The following ACOX1 variants were observed in gnomAD, a reference collection of about 807,000 sequenced individuals.
ACOX1 encodes the protein acyl-CoA oxidase 1.
Under a neutral mutation model 75.5 loss-of-function variants are expected in ACOX1, and 41 were observed. The observed-to-expected ratio is 0.54, with a 90% CI of 0.42 to 0.70. ACOX1 has a LOEUF of 0.70. Among genes scored for constraint, ACOX1 ranks in the 30% least tolerant of loss-of-function variants. ACOX1 has a pLI of 0.00. For missense variants in ACOX1, 630 were observed against 837.5 expected (o/e 0.75, Z 3.06); for synonymous variants, 303 against 298.8 (o/e 1.01, Z -0.15).
Position 75,960,492 on chromosome 17 carries a change from C to T in ACOX1, c.270-117G>A, listed in dbSNP as rs1384880988. On this transcript the variant is annotated intron_variant, in intron 2 of 13. Transcript: ENST00000293217. The surrounding 1 kb of genome is among the most constrained non-coding windows in gnomAD (Gnocchi z 4.4). ...AAAAACCTTAAGTATGAATTAGTTG[C>T]GTGCACTTAATCATAGATGGGAGCA... is the stretch of plus-strand genomic sequence containing the variant. 20 of 1,006,096 alleles carry T rather than the reference C, an allele frequency of 2.0e-5. No homozygotes were observed. Among genetic ancestry groups the T allele is most frequent in the Non-Finnish European group, 2.7e-5 (18 of 662,576 alleles). The allele number at this position is 1,006,096 out of a possible 1,614,324, so 62.3% of individuals were successfully genotyped here. A position where few individuals can be genotyped will look rare whatever the true frequency, so the allele number is the denominator to read the frequency against.
intron 2 of ACOX1, among the ~76,000 whole-genome samples, chr17:75,965,254 C>T (rs960478082): frequency 6.7e-6 from 1 of 148,370 alleles, no homozygotes; most frequent in African/African-American, 2.5e-5. Context: ...AGGAGAATGG[C>T]GTGAACCCAG....
rs2065760159 is a variant in ACOX1, at chr17:75,950,042, T to G, written c.1299-145A>C. 4.6e-6 allele frequency: 4 copies of G among 865,182 alleles called. No homozygotes were observed. The East Asian group carries it at 8.0e-5, about 17-fold the overall frequency. The allele number at this position is 865,182 out of a possible 1,614,324, so 53.6% of individuals were successfully genotyped here. Reference sequence around the variant, plus strand: ...GCAACCTCCTCCTCTTGGGTTCAAATGAATGATTCTCCTGCCTCAGCCTCC... The same window carrying G: ...GCAACCTCCTCCTCTTGGGTTCAAAGGAATGATTCTCCTGCCTCAGCCTCC... On this transcript the variant is annotated intron_variant, in intron 9 of 13. Coordinates refer to ENST00000293217, the MANE Select transcript of ACOX1 (RefSeq NM_004035.7). This position sits in a 1 kb window ranked among gnomAD's most constrained non-coding sequence, Gnocchi z 4.3.
chr17:75,946,797 T>C lies in ACOX1; in HGVS notation c.1936-2A>G. ...CAGGTGCTTGTAAGATTCGTGGACC[T>C]GTGGGGAAAGGAGAGAGAAGAACTA... On this transcript the variant is annotated splice_acceptor_variant, in intron 13 of 13. Coordinates refer to ENST00000293217, the MANE Select transcript of ACOX1 (RefSeq NM_004035.7). LOFTEE classifies it high-confidence loss of function. 1 of 1,613,522 alleles carries C rather than the reference T, an allele frequency of 6.2e-7. No individual in the cohort carries two copies. Among genetic ancestry groups the C allele is most frequent in the Non-Finnish European group, 8.5e-7 (1 of 1,179,520 alleles).
At chr17:75,959,303 A>G (rs2065867724) in intron 3 of ACOX1, among the ~76,000 whole-genome samples, 1 of 152,252 alleles carries the variant, frequency 6.6e-6, no homozygotes. Context: ...AGAAAAGCAG[A>G]TAACATTAAA....
chr17:75,959,611 G>A (rs1367852279), intron 3 of ACOX1, among the ~76,000 whole-genome samples: 3 of 152,174 alleles, frequency 2.0e-5, no homozygotes, highest in African/African-American at 7.2e-5. Context: ...CAGGTGGGGG[G>A]TGGAAAGATC....
At position 75,956,985 on chromosome 17, in the gene ACOX1, A is replaced by C. The variant is rs1461193895; in HGVS notation, c.538+474T>G. On this transcript the variant is annotated intron_variant, in intron 4 of 13. Coordinates refer to ENST00000293217, the MANE Select transcript of ACOX1 (RefSeq NM_004035.7). ...TCTCTCTCTCTCTATATATATATAT[A>C]TATATATATATATATATATATATAC... Among the ~76,000 whole-genome samples the C allele has an allele frequency of 2.0e-3, 101 of 51,436 alleles. 1 individual carries two copies. The highest frequency in any genetic ancestry group is 0.012 in the East Asian group (6 of 504). The allele number at this position is 51,436 out of a possible 152,430, so 33.7% of individuals were successfully genotyped here.
Position 75,950,694 on chromosome 17 carries a change from A to T in ACOX1, c.1298+80T>A. 6.7e-7 allele frequency: 1 copy of T among 1,487,998 alleles called. No homozygotes were observed. The highest frequency in any genetic ancestry group is 1.1e-5 in the South Asian group (1 of 87,354). The allele number at this position is 1,487,998 out of a possible 1,614,324, so 92.2% of individuals were successfully genotyped here. A position where few individuals can be genotyped will look rare whatever the true frequency, so the allele number is the denominator to read the frequency against. ...CAAATATATATATACGGTGAAGAAA[A>T]ACCATGGGAACAAGAACCTAGGAAA... is the stretch of plus-strand genomic sequence containing the variant. On this transcript the variant is annotated intron_variant, in intron 9 of 13. Transcript: ENST00000293217. The surrounding 1 kb of genome is among the most constrained non-coding windows in gnomAD (Gnocchi z 4.3).
intron 2 of ACOX1, among the ~76,000 whole-genome samples, chr17:75,967,779 C>A (rs1215004956): frequency 7.1e-6 from 1 of 141,078 alleles, no homozygotes; most frequent in Non-Finnish European, 1.6e-5. Flanking sequence ...GTCACTCTGT[C>A]ACCCAGGCTG....
intron 2 of ACOX1, among the ~76,000 whole-genome samples, chr17:75,972,584 G>A (rs2066007082): frequency 6.7e-6 from 1 of 148,450 alleles, no homozygotes; most frequent in South Asian, 2.1e-4. Flanking sequence ...GGCGGAGGTT[G>A]CAGTGAGCTG....
At chr17:75,961,308 A>AAG (rs1160565184) in intron 2 of ACOX1, among the ~76,000 whole-genome samples, 4 of 150,632 alleles carry the variant, frequency 2.7e-5, no homozygotes, top group African/African-American at 9.8e-5. Flanking sequence ...AAAAAAAAAA[A>AAG]AGAGAGAGAG....
chr17:75,960,584 C>T lies in ACOX1; in HGVS notation c.270-209G>A, dbSNP rs948687495. Among the ~76,000 whole-genome samples the T allele has an allele frequency of 2.6e-5, 4 of 152,114 alleles. No homozygotes were observed. Among genetic ancestry groups the T allele is most frequent in the African/African-American group, 4.8e-5 (2 of 41,402 alleles). On this transcript the variant is annotated intron_variant, in intron 2 of 13. Coordinates refer to ENST00000293217, the MANE Select transcript of ACOX1 (RefSeq NM_004035.7). The surrounding 1 kb of genome is among the most constrained non-coding windows in gnomAD (Gnocchi z 4.4). ...ATTTTTCCTGAGTCGGCAAGGAGTACGAGGACAGGGATTGGTTACTGATTC... is the reference window on the plus strand; with the variant it reads ...ATTTTTCCTGAGTCGGCAAGGAGTATGAGGACAGGGATTGGTTACTGATTC...
chr17:75,975,368 G>T (rs892604752), intron 2 of ACOX1, among the ~76,000 whole-genome samples: 4 of 151,988 alleles, frequency 2.6e-5, no homozygotes, highest in African/African-American at 9.7e-5. Context: ...TGTTGGCCAG[G>T]CTGGTCATGA....
rs1268062450 is a variant in ACOX1 at position 75,945,191 on chromosome 17, T to C, written c.*1557A>G. ...CAAACACCCTCAGATCCTGCCCAGATATTCATCTGTGAACAAGGTATTTCA... is the reference window on the plus strand; with the variant it reads ...CAAACACCCTCAGATCCTGCCCAGACATTCATCTGTGAACAAGGTATTTCA... On this transcript the variant is annotated 3_prime_UTR_variant, in exon 14 of 14. Coordinates refer to ENST00000293217, the MANE Select transcript of ACOX1 (RefSeq NM_004035.7). 6.6e-6 allele frequency: 1 copy of C among 152,216 alleles called. No individual in the cohort carries two copies. The highest frequency in any genetic ancestry group is 1.5e-5 in the Non-Finnish European group (1 of 68,046). The allele number at this position is 152,216 out of a possible 1,614,324, so 9.4% of individuals were successfully genotyped here.
At chr17:75,948,492 A>G (rs1345329253) in intron 12 of ACOX1, 35 bp from the exon 13 acceptor site, 3 of 1,521,240 alleles carry the variant, frequency 2.0e-6, no homozygotes, top group African/African-American at 2.8e-5. Flanking sequence ...TAAAACATAT[A>G]TATGTATATA....
chr17:75,959,152 C>T lies in ACOX1; in HGVS notation c.430+1063G>A, dbSNP rs1159316566. On this transcript the variant is annotated intron_variant, in intron 3 of 13. Transcript: ENST00000293217. ...ACCTTTTACCAATCTGCTTTCATAA[C>T]GCTTAGACCTCATTAAACACACTTT... 2.6e-4 allele frequency among the ~76,000 whole-genome samples: 39 copies of T among 152,178 alleles called. 1 individual carries two copies. The highest frequency in any genetic ancestry group is 2.4e-3 in the Admixed American group (36 of 15,248).
At chr17:75,952,275 C>T (rs1482428564) in intron 7 of ACOX1, among the ~76,000 whole-genome samples, 1 of 151,982 alleles carries the variant, frequency 6.6e-6, no homozygotes, top group African/African-American at 2.4e-5. Context: ...GTATCAATTC[C>T]TTTATTCCTT....
intron 2 of ACOX1, among the ~76,000 whole-genome samples, chr17:75,967,295 C>G (rs1483741018): frequency 1.3e-5 from 2 of 151,550 alleles, no homozygotes; most frequent in Non-Finnish European, 2.9e-5. Context: ...ATGGTGAAAC[C>G]CCATCTCTAC....
intron 4 of ACOX1, among the ~76,000 whole-genome samples, chr17:75,956,910 C>T (rs1305378187): frequency 4.0e-5 from 1 of 25,016 alleles, no homozygotes; most frequent in Non-Finnish European, 8.9e-5. Flanking sequence ...GCCTGGCTTT[C>T]CTCTCTCTCT....
At chr17:75,961,465 C>CAAAA (rs142857967) in intron 2 of ACOX1, among the ~76,000 whole-genome samples, 3 of 50,796 alleles carry the variant, frequency 5.9e-5, no homozygotes, top group African/African-American at 1.5e-4. Context: ...ACTAAAAATA[C>CAAAA]AAAAAAAAAA....
Sources: gnomAD v4.1 joint callset for allele counts (sites outside exome capture counted in the v4.1 genomes callset) on GRCh38, gnomAD v4.1.1 for gene constraint, Gnocchi (gnomAD v3.1) non-coding constraint, MANE v1.5 for transcripts, NCBI Gene and HGNC (gene_info 2026-07-23, HGNC 2026-07-21) for gene names.